The following ASS1 variants were observed in gnomAD, a reference collection of about 807,000 sequenced individuals.
The protein encoded by ASS1 is argininosuccinate synthase.
Under a neutral mutation model 60.5 loss-of-function variants are expected in ASS1, and 58 were observed. That is an observed-to-expected ratio of 0.96 (90% CI 0.78 to 1.19). ASS1 has a LOEUF of 1.19. ASS1 is among the 50% of genes most tolerant of loss of function. The probability of loss-of-function intolerance (pLI) is 0.00; values close to 1 mark genes in which losing one functional copy is unlikely to be tolerated. For synonymous variants in ASS1, 200 were observed against 206.9 expected (o/e 0.97, Z 0.29); for missense variants, 454 against 547.3 (o/e 0.83, Z 1.70).
intron 5 of ASS1, among the ~76,000 whole-genome samples, chr9:130,466,230 A>G (rs1270411913): frequency 1.3e-5 from 2 of 152,202 alleles, no homozygotes; most frequent in Non-Finnish European, 2.9e-5. Context: ...TTGGTCCCTC[A>G]GCCAGGCTCA....
chr9:130,471,618 G>A lies in ASS1; in HGVS notation c.597+103G>A, dbSNP rs1588487786. 2.1e-6 allele frequency: 3 copies of A among 1,437,528 alleles called. No homozygotes were observed. The East Asian group carries it at 6.9e-5, about 33-fold the overall frequency. 89.0% of individuals were successfully genotyped at this position (1,437,528 alleles called of 1,614,324 possible). On this transcript the variant is annotated intron_variant, in intron 8 of 14. Transcript: ENST00000352480. ...TTTATAGCCTAATTTGAAATTTCAC[G>A]GGGGCCAGCCGTGGGGCTGGGGCCG... is the stretch of plus-strand genomic sequence containing the variant.
Position 130,470,291 on chromosome 9 carries a change from C to T in ASS1, c.496-543C>T, listed in dbSNP as rs1481342273. Among the ~76,000 whole-genome samples the T allele has an allele frequency of 6.6e-6, 1 of 152,184 alleles. No individual in the cohort carries two copies. Among genetic ancestry groups the T allele is most frequent in the Non-Finnish European group, 1.5e-5 (1 of 68,036 alleles). ...GGAGACGGGATCTGCTGGGTGTTCC[C>T]CTTCTAGGGTCTGCAGAGTGATGTG... On this transcript the variant is annotated intron_variant, in intron 6 of 14. Transcript: ENST00000352480. This position sits in a 1 kb window ranked among gnomAD's most constrained non-coding sequence, Gnocchi z 4.3.
At chr9:130,461,351 GC>G (rs1326593301) in intron 4 of ASS1, among the ~76,000 whole-genome samples, 2 of 151,634 alleles carry the variant, frequency 1.3e-5, no homozygotes, top group Non-Finnish European at 2.9e-5. Flanking sequence ...CCACCAGAGG[GC>G]GCCAGAGGCT....
intron 4 of ASS1, among the ~76,000 whole-genome samples, chr9:130,462,864 T>C (rs1845635001): frequency 2.0e-5 from 3 of 152,180 alleles, no homozygotes; most frequent in Non-Finnish European, 4.4e-5. Context: ...AGCCTGAGTG[T>C]GAACCGTTAG....
At position 130,491,382 on chromosome 9, in the gene ASS1, C is replaced by T. The variant is rs921247085; in HGVS notation, c.970+1918C>T. On this transcript the variant is annotated intron_variant, in intron 12 of 14. Coordinates refer to ENST00000352480, the MANE Select transcript of ASS1 (RefSeq NM_054012.4). The surrounding 1 kb of genome is among the most constrained non-coding windows in gnomAD (Gnocchi z 5.3). ...ACCGTGGCCGCGGCCACGGCTGCCA[C>T]TTATCCTGCCATCTTGCTGCTAGGC... Among the ~76,000 whole-genome samples the T allele has an allele frequency of 6.6e-6, 1 of 152,232 alleles. No individual in the cohort carries two copies. Among genetic ancestry groups the T allele is most frequent in the Non-Finnish European group, 1.5e-5 (1 of 68,048 alleles).
intron 3 of ASS1, among the ~76,000 whole-genome samples, chr9:130,456,932 A>G (rs1478720855): frequency 1.3e-5 from 2 of 152,132 alleles, no homozygotes; most frequent in East Asian, 3.8e-4. Flanking sequence ...AAAAAAATAA[A>G]AATTACTGAA....
Position 130,499,500 on chromosome 9 carries a change from T to TG in ASS1, c.1128-4dup, listed in dbSNP as rs1438506502. The TG allele has an allele frequency of 6.2e-7, 1 of 1,613,452 alleles. No individual in the cohort carries two copies. On this transcript the variant is annotated splice_polypyrimidine_tract_variant and splice_region_variant and intron_variant, in intron 13 of 14. Transcript: ENST00000352480. Reference sequence around the variant, plus strand: ...TGAGCTGACAAGCTTCTACTCTCCTTGCAGCATGAACGTGCAGGGTGATTA... The same window carrying TG: ...TGAGCTGACAAGCTTCTACTCTCCTTGGCAGCATGAACGTGCAGGGTGATTA...
intron 8 of ASS1, among the ~76,000 whole-genome samples, chr9:130,472,287 G>A (rs1845884718): frequency 6.6e-6 from 1 of 152,102 alleles, no homozygotes; most frequent in African/African-American, 2.4e-5. Context: ...TGGAGGGGAG[G>A]GTGCCCGGGG....
intron 2 of ASS1, among the ~76,000 whole-genome samples, chr9:130,452,677 A>G (rs1026050233): frequency 6.6e-6 from 1 of 152,186 alleles, no homozygotes; most frequent in African/African-American, 2.4e-5. Flanking sequence ...GAAGGCACAC[A>G]GTCTTCCCAT....
intron 5 of ASS1, among the ~76,000 whole-genome samples, chr9:130,465,038 A>G (rs1254512048): frequency 8.3e-6 from 1 of 119,948 alleles, no homozygotes; most frequent in Non-Finnish European, 1.7e-5. Flanking sequence ...TATGTTTTAT[A>G]TATATATATA....
upstream of ASS1, among the ~76,000 whole-genome samples, chr9:130,444,777 T>C (rs1845156302): frequency 6.7e-6 from 1 of 149,168 alleles, no homozygotes; most frequent in Non-Finnish European, 1.5e-5. The surrounding 1 kb of genome is among the most constrained non-coding windows in gnomAD (Gnocchi z 4.7). Context: ...CGGGGGGAGG[T>C]GGGGACGAGG....
Position 130,470,853 on chromosome 9 carries a change from C to G in ASS1, c.515C>G (p.Pro172Arg), listed in dbSNP as rs372078387. The stretch of plus-strand genomic sequence containing the variant: ...CTGCAGCAACACGGGATTCCCATCC[C>G]GGTCACTCCCAAGAACCCGTGGAGC... ...EYAKQHGIPI[P>R]VTPKNPWSMD... is the part of the protein sequence containing the mutation. Residue 172 changes from proline to arginine, a missense_variant, in exon 7 of 15, where the codon CCG becomes CGG. Pro to Arg is a moderately radical substitution (Grantham distance 103, BLOSUM62 -2). Transcript: ENST00000352480. This position sits in a 1 kb window ranked among gnomAD's most constrained non-coding sequence, Gnocchi z 4.3. The G allele has an allele frequency of 1.6e-5, 26 of 1,613,984 alleles. No homozygotes were observed. The Admixed American group carries it at 4.2e-4, about 26-fold the overall frequency.
In ASS1 at chr9:130,459,428, T is replaced by TTGTG. The variant is rs202180746; in HGVS notation, c.363+850_363+853dup. Among the ~76,000 whole-genome samples, 58 of 151,802 alleles carry TTGTG rather than the reference T, an allele frequency of 3.8e-4. No individual in the cohort carries two copies. Among genetic ancestry groups the TTGTG allele is most frequent in the African/African-American group, 1.3e-3 (52 of 41,414 alleles). On this transcript the variant is annotated intron_variant, in intron 4 of 14. Transcript: ENST00000352480. The surrounding 1 kb of genome is among the most constrained non-coding windows in gnomAD (Gnocchi z 4.6). ...GACCTCATCTTAACTTGGTTACTTTTTGTGTGTGTGTGTGGGGGAGAGGGA... is the reference window on the plus strand; with the variant it reads ...GACCTCATCTTAACTTGGTTACTTTTTGTGTGTGTGTGTGTGTGGGGGAGAGGGA...
chr9:130,479,886 G>A (rs769706462), intron 10 of ASS1, 86 bp downstream of exon 10: 21 of 1,439,694 alleles, frequency 1.5e-5, no homozygotes, highest in Admixed American at 8.4e-5. Flanking sequence ...AATGGTTGTG[G>A]CTGAGGCTCA....
rs573419981 is a variant in ASS1, at chr9:130,471,238, C to T, written c.567-247C>T. Among the ~76,000 whole-genome samples the T allele has an allele frequency of 7.9e-5, 12 of 152,296 alleles. No individual in the cohort carries two copies. In the East Asian group the frequency reaches 2.3e-3, roughly 30 times the overall value. ...TTTAAGGCAGAGGCAGAGGCCCCCCCAACCACGTGCAGAGCCCCGGGGCAG... is the reference window on the plus strand; with the variant it reads ...TTTAAGGCAGAGGCAGAGGCCCCCCTAACCACGTGCAGAGCCCCGGGGCAG... On this transcript the variant is annotated intron_variant, in intron 7 of 14. Transcript: ENST00000352480.
intron 1 of ASS1, among the ~76,000 whole-genome samples, chr9:130,449,407 C>T (rs1197140307): frequency 6.7e-6 from 1 of 149,488 alleles, no homozygotes; most frequent in Admixed American, 6.7e-5. Context: ...GTCACTGAGG[C>T]GATGCAGGTG....
intron 13 of ASS1, among the ~76,000 whole-genome samples, chr9:130,497,498 A>G (rs1032224425): frequency 1.3e-5 from 2 of 152,184 alleles, no homozygotes; most frequent in African/African-American, 4.8e-5. Flanking sequence ...TAAAAAAAAA[A>G]AAAGAAAAAA....
At chr9:130,484,280 T>C (rs1846247197) in intron 11 of ASS1, among the ~76,000 whole-genome samples, 1 of 152,124 alleles carries the variant, frequency 6.6e-6, no homozygotes, top group African/African-American at 2.4e-5. Flanking sequence ...AGCTGGCGGA[T>C]CCCACTCAAT....
At chr9:130,472,864 C>T (rs1250862656) in intron 8 of ASS1, among the ~76,000 whole-genome samples, 1 of 152,204 alleles carries the variant, frequency 6.6e-6, no homozygotes, top group Admixed American at 6.5e-5. Flanking sequence ...CAACCACTCC[C>T]GGCCATTCTC....
Sources: allele counts gnomAD v4.1 joint callset (sites outside exome capture counted in the v4.1 genomes callset), GRCh38; gene constraint gnomAD v4.1.1; non-coding constraint Gnocchi (gnomAD v3.1); transcripts MANE v1.5; gene names NCBI Gene and HGNC (gene_info 2026-07-23, HGNC 2026-07-21).